ACOT9: variants seen among roughly 807,000 people sequenced by gnomAD.
The protein encoded by ACOT9 is acyl-coenzyme A thioesterase 9, mitochondrial.
ACOT9 carries 34 observed loss-of-function variants against 39.7 expected under a neutral mutation model. The observed-to-expected ratio is 0.86, with a 90% CI of 0.65 to 1.14. The LOEUF (loss-of-function observed/expected upper bound fraction) is 1.14, where lower values mean the gene tolerates loss of function less well. Among genes scored for constraint, ACOT9 ranks in the 50% most tolerant of loss-of-function variants. The pLI is 0.00. For synonymous variants in ACOT9, 110 were observed against 120.5 expected (o/e 0.91, Z 0.57); for missense variants, 313 against 344.1 (o/e 0.91, Z 0.71).
intron 1 of ACOT9, 82 bp downstream of exon 1, chrX:23,743,043 G>C: frequency 9.4e-7 from 1 of 1,058,335 alleles, no homozygotes; most frequent in African/African-American, 1.9e-5. Flanking sequence ...TTCTTCCGCC[G>C]GGGCCAGCCC....
chrX:23,739,136 CA>C (rs1930048320), intron 1 of ACOT9, among the ~76,000 whole-genome samples: 1 of 111,031 alleles, frequency 9.0e-6, no homozygotes, highest in South Asian at 3.8e-4. Flanking sequence ...CGGGCACCTG[CA>C]GTCCCAGCTA....
chrX:23,740,325 T>C (rs1200265179), intron 1 of ACOT9, among the ~76,000 whole-genome samples: 1 of 110,289 alleles, frequency 9.1e-6, no homozygotes, highest in Non-Finnish European at 1.9e-5. Context: ...CAGGCTGGTT[T>C]TGAACTCCTG....
intron 8 of ACOT9, among the ~76,000 whole-genome samples, chrX:23,720,129 A>G (rs182332159): frequency 0.016 from 1,797 of 113,093 alleles, 16 homozygotes; most frequent in African/African-American, 0.03. Flanking sequence ...CACCGCGCCC[A>G]GCCAGTCATT....
chrX:23,725,925 G>A (rs748448598), intron 6 of ACOT9, among the ~76,000 whole-genome samples: 1 of 111,379 alleles, frequency 9.0e-6, no homozygotes, highest in African/African-American at 3.3e-5. Flanking sequence ...AAGGCCGGGC[G>A]CAGTGGCTCA....
At chrX:23,735,593 T>C (rs762159349) in intron 2 of ACOT9, among the ~76,000 whole-genome samples, 3 of 111,141 alleles carry the variant, frequency 2.7e-5, no homozygotes, top group Non-Finnish European at 3.8e-5. Context: ...AACTATGGAC[T>C]AGGAGTGTTT....
At chrX:23,728,669 G>T (rs781392929) in intron 6 of ACOT9, among the ~76,000 whole-genome samples, 8 of 111,354 alleles carry the variant, frequency 7.2e-5, no homozygotes, top group Non-Finnish European at 1.5e-4. Flanking sequence ...CACTAAGAGG[G>T]TATGGGAGCA....
At chrX:23,719,145 C>A (rs915458262) in intron 8 of ACOT9, among the ~76,000 whole-genome samples, 4 of 110,229 alleles carry the variant, frequency 3.6e-5, no homozygotes, top group Non-Finnish European at 7.6e-5. Flanking sequence ...TGACACACAT[C>A]TGTAGTCCCA....
chrX:23,737,729 A>C (rs1254949133), intron 1 of ACOT9, among the ~76,000 whole-genome samples: 1 of 111,488 alleles, frequency 9.0e-6, no homozygotes, highest in Non-Finnish European at 1.9e-5. Context: ...CTAAGACCAA[A>C]ATTCTTGCTG....
At chrX:23,714,705 G>C (rs777212470) in intron 8 of ACOT9, among the ~76,000 whole-genome samples, 1 of 110,782 alleles carries the variant, frequency 9.0e-6, no homozygotes, top group Non-Finnish European at 1.9e-5. Context: ...TCTCACTGCA[G>C]TCTCGACCTC....
intron 3 of ACOT9, among the ~76,000 whole-genome samples, chrX:23,733,792 G>A (rs953032367): frequency 8.1e-5 from 9 of 110,485 alleles, no homozygotes; most frequent in African/African-American, 1.3e-4. Context: ...ACAGAGTTTC[G>A]CTCTTGTTGC....
At chrX:23,742,762 T>C (rs754419840) in intron 1 of ACOT9, among the ~76,000 whole-genome samples, 6 of 112,246 alleles carry the variant, frequency 5.3e-5, no homozygotes, top group East Asian at 2.8e-4. Flanking sequence ...AGAGGTAACA[T>C]AGAACTCCAA....
At chrX:23,739,240 C>CA (rs1232962335) in intron 1 of ACOT9, among the ~76,000 whole-genome samples, 14 of 105,082 alleles carry the variant, frequency 1.3e-4, no homozygotes, top group East Asian at 9.0e-4. Context: ...GACTCTGTCT[C>CA]AAAAAAAAAA....
intron 9 of ACOT9, among the ~76,000 whole-genome samples, chrX:23,708,850 G>T (rs949717057): frequency 1.8e-5 from 2 of 111,809 alleles, no homozygotes; most frequent in Admixed American, 9.6e-5. Context: ...CTCCTGAATG[G>T]GTGAAGCAGT....
chrX:23,741,177 T>C (rs1011700689), intron 1 of ACOT9, among the ~76,000 whole-genome samples: 2 of 109,749 alleles, frequency 1.8e-5, no homozygotes, highest in Non-Finnish European at 3.8e-5. Context: ...CAAGTGTTGG[T>C]GAGGATGTAG....
intron 1 of ACOT9, among the ~76,000 whole-genome samples, chrX:23,737,118 G>C (rs1193346622): frequency 9.0e-6 from 1 of 111,202 alleles, no homozygotes; most frequent in Non-Finnish European, 1.9e-5. Context: ...TTCGAGACCA[G>C]CCTGGCCAAC....
chrX:23,721,059 G>A (rs111981969), intron 8 of ACOT9, among the ~76,000 whole-genome samples: 21,946 of 110,237 alleles, frequency 0.2, 1,753 homozygotes, highest in Non-Finnish European at 0.22. Flanking sequence ...GCAACATGGT[G>A]AAACTCCATA....
In ACOT9 at chrX:23,743,091, G is replaced by A. The variant is rs760067095; in HGVS notation, c.20+34C>T. ...GAAGACGATGGCACCCCAGGCTACC[G>A]CCCTGCCAGCCCCTTCCACGCCCCG... On this transcript the variant is annotated intron_variant, in intron 1 of 15. Coordinates refer to ENST00000379303, the MANE Select transcript of ACOT9 (RefSeq NM_001037171.2). The A allele has an allele frequency of 7.9e-6, 9 of 1,138,148 alleles. No individual in the cohort carries two copies. In the South Asian group the frequency reaches 1.8e-4, roughly 23 times the overall value. The allele number at this position is 1,138,148 out of a possible 1,213,427, so 93.8% of individuals were successfully genotyped here. A position where few individuals can be genotyped will look rare whatever the true frequency, so the allele number is the denominator to read the frequency against.
In ACOT9 at chrX:23,735,905, G is replaced by A; in HGVS notation, c.118+14C>T. 8 of 1,201,126 alleles carry A rather than the reference G, an allele frequency of 6.7e-6. No homozygotes were observed. The highest frequency in any genetic ancestry group is 9.0e-6 in the Non-Finnish European group (8 of 887,059). ...TTTCACCACATAGGCATCAAACAGA[G>A]ACACCATGCTTGCCTTCATGAATGT... On this transcript the variant is annotated intron_variant, in intron 2 of 15. Transcript: ENST00000379303.
At chrX:23,742,424 G>C (rs1217443034) in intron 1 of ACOT9, among the ~76,000 whole-genome samples, 1 of 110,754 alleles carries the variant, frequency 9.0e-6, no homozygotes, top group Non-Finnish European at 1.9e-5. Flanking sequence ...TGGCATGCTC[G>C]GGTGAAAGGG....
Sources: allele counts gnomAD v4.1 joint callset (sites outside exome capture counted in the v4.1 genomes callset), GRCh38; gene constraint gnomAD v4.1.1; transcripts MANE v1.5; gene names NCBI Gene and HGNC (gene_info 2026-07-23, HGNC 2026-07-21).